PPP1R42: variants seen among roughly 807,000 people sequenced by gnomAD.
The protein encoded by PPP1R42 is protein phosphatase 1 regulatory subunit 42, also known as leucine rich repeat containing 67.
In PPP1R42, 34 loss-of-function variants were observed where a neutral mutation model predicts 31.0. The ratio of observed to expected loss-of-function variants is 1.10; its 90% CI spans 0.83 to 1.46. The LOEUF is 1.46. Among genes scored for constraint, PPP1R42 ranks in the 40% most tolerant of loss-of-function variants. The pLI, the probability that PPP1R42 is intolerant of heterozygous loss-of-function variation, is 0.00. For missense variants in PPP1R42, 268 were observed against 303.0 expected, an observed-to-expected ratio of 0.88 and a Z score of 0.86; for synonymous variants, 103 against 109.8, an observed-to-expected ratio of 0.94 and a Z score of 0.39.
intron 7 of PPP1R42, chr8:66,971,055 C>T (rs774308415): frequency 1.2e-4 from 183 of 1,533,602 alleles, no homozygotes; most frequent in Non-Finnish European, 1.5e-4. Context: ...CAGGGTATCT[C>T]TGTATTTCAG....
At chr8:67,001,101 A>G (rs1204505352) in intron 5 of PPP1R42, among the ~76,000 whole-genome samples, 2 of 151,502 alleles carry the variant, frequency 1.3e-5, no homozygotes, top group Non-Finnish European at 2.9e-5. Flanking sequence ...CTTTTATTTT[A>G]TATTAATGTA....
chr8:66,965,746 C>T (rs373387326), intron 7 of PPP1R42, among the ~76,000 whole-genome samples: 1 of 152,040 alleles, frequency 6.6e-6, no homozygotes, highest in South Asian at 2.1e-4. Context: ...TATAGTGAGA[C>T]CCGGTCTGTA....
intron 4 of PPP1R42, among the ~76,000 whole-genome samples, chr8:67,011,707 T>TG (rs376226530): frequency 6.6e-6 from 1 of 152,342 alleles, no homozygotes; most frequent in East Asian, 1.9e-4. Context: ...ATTTCAGTGT[T>TG]GCTGTAACAC....
intron 5 of PPP1R42, among the ~76,000 whole-genome samples, chr8:67,003,042 G>A (rs1585666894): frequency 6.7e-6 from 1 of 149,908 alleles, no homozygotes; most frequent in South Asian, 2.1e-4. Context: ...GCGGGTGCCT[G>A]TAATCCCAGC....
At chr8:66,976,617 T>G (rs1418724677) in intron 7 of PPP1R42, among the ~76,000 whole-genome samples, 1 of 152,166 alleles carries the variant, frequency 6.6e-6, no homozygotes, top group Non-Finnish European at 1.5e-5. Context: ...TTTGGTTTTT[T>G]TTTTTTTTTT....
At chr8:66,997,249 T>C (rs1815360087) in intron 5 of PPP1R42, among the ~76,000 whole-genome samples, 3 of 152,212 alleles carry the variant, frequency 2.0e-5, no homozygotes, top group Admixed American at 6.5e-5. Context: ...TTGATTATCG[T>C]AACTTTAAAG....
intron 5 of PPP1R42, among the ~76,000 whole-genome samples, chr8:67,009,153 C>A (rs1002362912): frequency 6.6e-6 from 1 of 152,084 alleles, no homozygotes; most frequent in African/African-American, 2.4e-5. Flanking sequence ...ATCTGTAGTC[C>A]CAGCTACTCG....
At chr8:66,988,619 G>T in intron 5 of PPP1R42, 102 bp from the exon 6 acceptor site, 1 of 1,065,426 alleles carries the variant, frequency 9.4e-7, no homozygotes, top group Non-Finnish European at 1.3e-6. Flanking sequence ...CTTTCATGGA[G>T]TTCTAGCTCA....
At chr8:66,977,808 T>C (rs1384260620) in intron 7 of PPP1R42, among the ~76,000 whole-genome samples, 1 of 152,056 alleles carries the variant, frequency 6.6e-6, no homozygotes, top group African/African-American at 2.4e-5. Context: ...GCTTGGCCGC[T>C]AATTTTAAAA....
chr8:66,978,124 A>G (rs1814729408), intron 7 of PPP1R42, among the ~76,000 whole-genome samples: 1 of 152,200 alleles, frequency 6.6e-6, no homozygotes, highest in Non-Finnish European at 1.5e-5. Context: ...TAATTTATAA[A>G]GAAAAAGAGG....
intron 5 of PPP1R42, among the ~76,000 whole-genome samples, chr8:66,989,992 T>C (rs1174677155): frequency 2.6e-5 from 4 of 152,180 alleles, no homozygotes; most frequent in African/African-American, 9.6e-5. Context: ...GCGAAAACAT[T>C]TTAAGTAAGG....
At chr8:66,968,136 A>C (rs574846652) in intron 7 of PPP1R42, among the ~76,000 whole-genome samples, 17 of 152,344 alleles carry the variant, frequency 1.1e-4, no homozygotes, top group African/African-American at 3.8e-4. Context: ...TAAATAAAAA[A>C]TAGGTTTGAC....
Position 67,005,680 on chromosome 8 carries a change from A to G in PPP1R42, c.552+5035T>C, listed in dbSNP as rs79949594. 7.5e-3 allele frequency among the ~76,000 whole-genome samples: 1,137 copies of G among 152,210 alleles called. 48 individuals carry two copies. Among genetic ancestry groups the G allele is most frequent in the East Asian group, 7.9e-3 (41 of 5,172 alleles). ...CCTACATCCTGCTCATCAACAAGTT[A>G]TATGAATTCCACCTTAAAATATAAC... On this transcript the variant is annotated intron_variant, in intron 5 of 7. Coordinates refer to ENST00000685739, the MANE Select transcript of PPP1R42 (RefSeq NM_001364910.1).
intron 7 of PPP1R42, among the ~76,000 whole-genome samples, chr8:66,976,591 T>G (rs372578375): frequency 3.9e-5 from 6 of 151,946 alleles, no homozygotes; most frequent in African/African-American, 9.7e-5. Context: ...ACTTTTTAAT[T>G]CTATGAGATC....
intron 5 of PPP1R42, among the ~76,000 whole-genome samples, chr8:67,005,498 T>TA (rs1269107866): frequency 6.6e-6 from 1 of 152,176 alleles, no homozygotes. Flanking sequence ...ACTTCTCCCT[T>TA]AAACTCCAGA....
intron 1 of PPP1R42, among the ~76,000 whole-genome samples, chr8:67,020,178 TTGTTG>T (rs1249689787): frequency 6.7e-6 from 1 of 149,682 alleles, no homozygotes; most frequent in Non-Finnish European, 1.5e-5. Context: ...CCAGGGTTTT[TTGTTG>T]TGTTTTGTTT....
rs560887097 is a variant in PPP1R42, at chr8:67,012,109, G to A, written c.435+849C>T. ...AAATTAGCCAGGCGTGGTGGCGCAC[G>A]CCTGTAGTCCCAGCTACTTGGGACG... On this transcript the variant is annotated intron_variant, in intron 4 of 7. Coordinates refer to ENST00000685739, the MANE Select transcript of PPP1R42 (RefSeq NM_001364910.1). 2.4e-4 allele frequency among the ~76,000 whole-genome samples: 36 copies of A among 152,230 alleles called. No homozygotes were observed. In the East Asian group the frequency reaches 4.1e-3, roughly 17 times the overall value.
intron 6 of PPP1R42, chr8:66,985,968 C>T: frequency 2.7e-6 from 2 of 749,106 alleles, no homozygotes; most frequent in South Asian, 1.4e-5. Flanking sequence ...CTTTCGTTTT[C>T]TGCTTCCGTC....
chr8:66,978,079 T>G (rs773994988), intron 7 of PPP1R42, among the ~76,000 whole-genome samples: 4 of 152,212 alleles, frequency 2.6e-5, no homozygotes, highest in Non-Finnish European at 4.4e-5. Context: ...TAGTCCATTT[T>G]CATGCTGCTG....
Sources: gnomAD v4.1 joint callset for allele counts (sites outside exome capture counted in the v4.1 genomes callset) on GRCh38, gnomAD v4.1.1 for gene constraint, MANE v1.5 for transcripts, NCBI Gene and HGNC (gene_info 2026-07-23, HGNC 2026-07-21) for gene names.